The following TDRD3 variants were observed in gnomAD, a reference collection of about 807,000 sequenced individuals.
TDRD3 encodes tudor domain containing 3, also known as tudor domain-containing protein 3.
In TDRD3, 45 loss-of-function variants were observed where a neutral mutation model predicts 86.7. That is an observed-to-expected ratio of 0.52 (90% CI 0.41 to 0.67). The LOEUF is 0.67. Among genes scored for constraint, TDRD3 ranks in the 30% least tolerant of loss-of-function variants. TDRD3 has a pLI of 0.00. For synonymous variants in TDRD3, 298 were observed against 301.7 expected (o/e 0.99, Z 0.13); for missense variants, 814 against 889.0 (o/e 0.92, Z 1.07).
At chr13:60,450,169 G>GT (rs1470523651) in intron 3 of TDRD3, among the ~76,000 whole-genome samples, 1 of 152,102 alleles carries the variant, frequency 6.6e-6, no homozygotes, top group Non-Finnish European at 1.5e-5. Context: ...TAAGATCACA[G>GT]TTTTTTGTTG....
intron 10 of TDRD3, among the ~76,000 whole-genome samples, chr13:60,526,980 G>C (rs1305456130): frequency 6.6e-6 from 1 of 151,932 alleles, no homozygotes; most frequent in South Asian, 2.1e-4. Context: ...GATTACAGGT[G>C]TGCACCACCA....
intron 1 of TDRD3, among the ~76,000 whole-genome samples, chr13:60,428,295 T>G (rs1954861548): frequency 6.6e-6 from 1 of 151,576 alleles, no homozygotes; most frequent in South Asian, 2.1e-4. Context: ...TGTCTCTAAA[T>G]AAAGTAACAT....
At chr13:60,398,187 T>C (rs914163619) in intron 1 of TDRD3, among the ~76,000 whole-genome samples, 5 of 152,244 alleles carry the variant, frequency 3.3e-5, no homozygotes, top group African/African-American at 1.2e-4. Flanking sequence ...CAGTAACGCT[T>C]TTCCCAGGCT....
intron 3 of TDRD3, among the ~76,000 whole-genome samples, chr13:60,457,719 G>A (rs1317259655): frequency 1.3e-5 from 2 of 152,204 alleles, no homozygotes; most frequent in African/African-American, 4.8e-5. Context: ...AGTGTCAGCA[G>A]GGTTGGTTCC....
intron 11 of TDRD3, among the ~76,000 whole-genome samples, chr13:60,532,509 G>A (rs551340275): frequency 1.3e-5 from 2 of 152,304 alleles, no homozygotes; most frequent in African/African-American, 4.8e-5. Context: ...TTTTTAGGCA[G>A]AGACAAGGGT....
At chr13:60,460,743 G>C (rs111251861) in intron 4 of TDRD3, 1 of 417,906 alleles carries the variant, frequency 2.4e-6, no homozygotes, top group Non-Finnish European at 4.0e-6. Flanking sequence ...GGTGGCTCAA[G>C]CCTGTAATCC....
intron 7 of TDRD3, among the ~76,000 whole-genome samples, chr13:60,487,710 A>G (rs1262774111): frequency 6.6e-6 from 1 of 152,144 alleles, no homozygotes; most frequent in Non-Finnish European, 1.5e-5. Context: ...TAACTTGGCT[A>G]TTGTGACTAG....
intron 12 of TDRD3, among the ~76,000 whole-genome samples, chr13:60,542,536 C>T (rs1318200376): frequency 1.3e-5 from 2 of 152,126 alleles, no homozygotes; most frequent in African/African-American, 2.4e-5. Flanking sequence ...CTCATTTTAC[C>T]ATAGACTTTA....
chr13:60,467,431 G>T (rs367694402), intron 5 of TDRD3, 52 bp downstream of exon 5: 1 of 1,576,442 alleles, frequency 6.3e-7, no homozygotes, highest in South Asian at 1.2e-5. Flanking sequence ...CTTTTTTATT[G>T]CATTAAAGAG....
intron 12 of TDRD3, among the ~76,000 whole-genome samples, chr13:60,566,471 G>C (rs1430962547): frequency 6.6e-6 from 1 of 151,930 alleles, no homozygotes; most frequent in African/African-American, 2.4e-5. Flanking sequence ...TATTAATAAG[G>C]TCAAAGGAAA....
chr13:60,406,394 A>G (rs1954234174), intron 1 of TDRD3, among the ~76,000 whole-genome samples: 1 of 152,216 alleles, frequency 6.6e-6, no homozygotes. Context: ...GATCTCAGTA[A>G]TTTTTATATT....
chr13:60,547,153 G>A, intron 12 of TDRD3: 1 of 467,736 alleles, frequency 2.1e-6, no homozygotes, highest in Non-Finnish European at 2.8e-6. Flanking sequence ...ACTATACTTT[G>A]AGGTTGCAAT....
intron 5 of TDRD3, 104 bp downstream of exon 5, chr13:60,467,483 TGAATA>T: frequency 8.0e-7 from 1 of 1,255,102 alleles, no homozygotes; most frequent in South Asian, 1.3e-5. Context: ...GTGTCGGAGT[TGAATA>T]GAATGGAATA....
At chr13:60,450,574 A>T (rs1293338936) in intron 3 of TDRD3, among the ~76,000 whole-genome samples, 2 of 152,198 alleles carry the variant, frequency 1.3e-5, no homozygotes, top group East Asian at 3.8e-4. Flanking sequence ...AGATCCTGCT[A>T]TATTTTCTGG....
At chr13:60,566,867 C>G (rs898540883) in intron 12 of TDRD3, among the ~76,000 whole-genome samples, 2 of 152,148 alleles carry the variant, frequency 1.3e-5, no homozygotes, top group Non-Finnish European at 2.9e-5. Context: ...TAGATATACC[C>G]ACTCAGTAAG....
intron 8 of TDRD3, among the ~76,000 whole-genome samples, chr13:60,497,476 T>C (rs2137580378): frequency 6.6e-6 from 1 of 152,302 alleles, no homozygotes; most frequent in East Asian, 1.9e-4. Flanking sequence ...TGTTTAAAGG[T>C]GGGTGCAGTC....
chr13:60,540,589 C>T (rs1043322854), intron 12 of TDRD3, among the ~76,000 whole-genome samples: 1 of 152,066 alleles, frequency 6.6e-6, no homozygotes, highest in Admixed American at 6.5e-5. Flanking sequence ...ATAGCTAAGC[C>T]TAACGGAATA....
intron 10 of TDRD3, among the ~76,000 whole-genome samples, chr13:60,523,060 G>A (rs1164786931): frequency 6.6e-6 from 1 of 152,072 alleles, no homozygotes; most frequent in Non-Finnish European, 1.5e-5. Context: ...ATGGCTGTGA[G>A]GATTACATGA....
Position 60,497,675 on chromosome 13 carries a change from G to A in TDRD3, c.858+3100G>A, listed in dbSNP as rs532147423. Among the ~76,000 whole-genome samples, 23 of 152,314 alleles carry A rather than the reference G, an allele frequency of 1.5e-4. No individual in the cohort carries two copies. In the South Asian group the frequency reaches 4.8e-3, roughly 32 times the overall value. ...TGCCAGGTGTCTACTTTTAAAGTGA[G>A]GGCATTGGTTGGAAAAGAGTAGGAC... is the stretch of plus-strand genomic sequence containing the variant. On this transcript the variant is annotated intron_variant, in intron 8 of 13. Coordinates refer to ENST00000377881, the MANE Select transcript of TDRD3 (RefSeq NM_001146070.2).
Sources: gnomAD v4.1 joint callset for allele counts (sites outside exome capture counted in the v4.1 genomes callset) on GRCh38, gnomAD v4.1.1 for gene constraint, MANE v1.5 for transcripts, NCBI Gene and HGNC (gene_info 2026-07-23, HGNC 2026-07-21) for gene names.